IL1RAPL2: variants seen among roughly 807,000 people sequenced by gnomAD.
The protein encoded by IL1RAPL2 is interleukin 1 receptor accessory protein like 2.
IL1RAPL2 carries 3 observed loss-of-function variants against 44.1 expected under a neutral mutation model. The observed-to-expected ratio is 0.07, with a 90% CI of 0.03 to 0.18. The LOEUF is 0.18. Ranked by LOEUF, IL1RAPL2 falls within the 10% of genes least tolerant of loss-of-function variation. The probability of loss-of-function intolerance (pLI) is 1.00; values close to 1 mark genes in which losing one functional copy is unlikely to be tolerated. For synonymous variants in IL1RAPL2, 181 were observed against 178.8 expected (o/e 1.01, Z -0.10); for missense variants, 391 against 496.4 (o/e 0.79, Z 2.02).
chrX:104,881,875 C>T (rs1361172152), intron 2 of IL1RAPL2, among the ~76,000 whole-genome samples: 1 of 111,499 alleles, frequency 9.0e-6, no homozygotes, highest in Non-Finnish European at 1.9e-5. Flanking sequence ...GAGAACTTTT[C>T]CCTAAGTCTT....
Position 105,435,704 on chromosome X carries a change from G to T in IL1RAPL2, c.698-48609G>T, listed in dbSNP as rs768743592. Among the ~76,000 whole-genome samples the T allele has an allele frequency of 4.5e-5, 5 of 111,915 alleles. No homozygotes were observed. In the South Asian group the frequency reaches 1.9e-3, roughly 42 times the overall value. ...TGGTACATATACACCAGGGAATACT[G>T]TGCAGCCACAAAAAGGAATGAGATC... On this transcript the variant is annotated intron_variant, in intron 5 of 10. Coordinates refer to ENST00000372582, the MANE Select transcript of IL1RAPL2 (RefSeq NM_017416.2).
At chrX:104,632,726 C>G (rs1482744110) in intron 1 of IL1RAPL2, among the ~76,000 whole-genome samples, 1 of 108,416 alleles carries the variant, frequency 9.2e-6, no homozygotes, top group Non-Finnish European at 1.9e-5. Context: ...TGCCTATCAG[C>G]TTAAGGAGAT....
In IL1RAPL2 at chrX:105,051,349, G is replaced by A. The variant is rs1483122318; in HGVS notation, c.83-144126G>A. ...AGAGATGCACAGGTCCTGTGCCTCG[G>A]AGGGCAGCCGCAGCTGCACCCAGGG... On this transcript the variant is annotated intron_variant, in intron 2 of 10. Transcript: ENST00000372582. 2.7e-5 allele frequency among the ~76,000 whole-genome samples: 3 copies of A among 112,831 alleles called. No homozygotes were observed. The East Asian group carries it at 8.5e-4, about 32-fold the overall frequency.
intron 2 of IL1RAPL2, among the ~76,000 whole-genome samples, chrX:104,659,468 A>C (rs905450617): frequency 3.6e-5 from 4 of 111,880 alleles, no homozygotes; most frequent in Non-Finnish European, 7.5e-5. Context: ...TTATTAGCTA[A>C]TTGCCCGAAG....
intron 2 of IL1RAPL2, among the ~76,000 whole-genome samples, chrX:104,673,714 T>A (rs2147533129): frequency 9.1e-6 from 1 of 110,126 alleles, no homozygotes; most frequent in African/African-American, 3.3e-5. Context: ...ACGATATTGA[T>A]TCTTCCTACC....
chrX:104,607,723 GA>G (rs762697770), intron 1 of IL1RAPL2, among the ~76,000 whole-genome samples: 1 of 111,269 alleles, frequency 9.0e-6, no homozygotes, highest in Non-Finnish European at 1.9e-5. Context: ...AAAAAGTCAG[GA>G]AAAAAAAGAT....
At chrX:105,317,263 C>G (rs1002201231) in intron 5 of IL1RAPL2, among the ~76,000 whole-genome samples, 3 of 112,013 alleles carry the variant, frequency 2.7e-5, no homozygotes, top group African/African-American at 9.7e-5. Context: ...TTGAATTCCT[C>G]TATAAAGTAT....
chrX:104,934,942 A>G (rs1311630222), intron 2 of IL1RAPL2, among the ~76,000 whole-genome samples: 1 of 112,141 alleles, frequency 8.9e-6, no homozygotes, highest in Non-Finnish European at 1.9e-5. Flanking sequence ...ACCACTTAGT[A>G]GTTGTGTGGA....
intron 2 of IL1RAPL2, among the ~76,000 whole-genome samples, chrX:104,956,135 C>T (rs1332825557): frequency 8.9e-6 from 1 of 112,029 alleles, no homozygotes; most frequent in African/African-American, 3.2e-5. Context: ...TGTGGCCCAG[C>T]TAAAGGGTGT....
intron 2 of IL1RAPL2, among the ~76,000 whole-genome samples, chrX:105,097,178 A>C (rs753405062): frequency 5.5e-5 from 6 of 108,804 alleles, no homozygotes; most frequent in African/African-American, 1.7e-4. Flanking sequence ...AATATAAAAA[A>C]TTAGTCGGGC....
intron 2 of IL1RAPL2, among the ~76,000 whole-genome samples, chrX:104,932,026 C>T (rs1924919037): frequency 1.0e-5 from 1 of 97,351 alleles, no homozygotes; most frequent in South Asian, 5.0e-4. Flanking sequence ...GAGTTTCACT[C>T]TTGTCACCCA....
chrX:105,260,109 G>C (rs752137243), intron 4 of IL1RAPL2, among the ~76,000 whole-genome samples: 2 of 112,611 alleles, frequency 1.8e-5, no homozygotes, highest in South Asian at 7.4e-4. Flanking sequence ...GTCCCACTCA[G>C]TGAGGAGGAA....
At chrX:105,153,689 A>G (rs928539118) in intron 2 of IL1RAPL2, among the ~76,000 whole-genome samples, 1 of 111,710 alleles carries the variant, frequency 9.0e-6, no homozygotes, top group Admixed American at 9.5e-5. Context: ...CCAGAAAGGC[A>G]TGACATCCCA....
chrX:105,518,130 G>A (rs1465321706), intron 6 of IL1RAPL2, among the ~76,000 whole-genome samples: 2 of 110,738 alleles, frequency 1.8e-5, no homozygotes, highest in Non-Finnish European at 3.8e-5. Flanking sequence ...GGGAAAGAGT[G>A]TTGACTTGGA....
chrX:104,898,890 A>G (rs1378125071), intron 2 of IL1RAPL2, among the ~76,000 whole-genome samples: 1 of 112,479 alleles, frequency 8.9e-6, no homozygotes, highest in Non-Finnish European at 1.9e-5. Flanking sequence ...TCTGCTGTCA[A>G]TTCCTTTTTT....
At chrX:105,050,203 T>C (rs2031899599) in intron 2 of IL1RAPL2, among the ~76,000 whole-genome samples, 1 of 112,147 alleles carries the variant, frequency 8.9e-6, no homozygotes, top group Non-Finnish European at 1.9e-5. Context: ...AAAAATCCTG[T>C]TTCTGTCCAT....
intron 2 of IL1RAPL2, among the ~76,000 whole-genome samples, chrX:105,082,218 C>T (rs2032418964): frequency 9.0e-6 from 1 of 111,525 alleles, no homozygotes; most frequent in Non-Finnish European, 1.9e-5. Flanking sequence ...GTGTATGTGT[C>T]CAGGAATTTA....
chrX:104,656,335 C>A (rs1265511277), intron 1 of IL1RAPL2, among the ~76,000 whole-genome samples: 1 of 112,033 alleles, frequency 8.9e-6, no homozygotes, highest in African/African-American at 3.2e-5. Flanking sequence ...TCCCTCTACA[C>A]ACTGCTTTAA....
intron 2 of IL1RAPL2, among the ~76,000 whole-genome samples, chrX:104,824,135 T>G (rs1440760689): frequency 4.5e-5 from 5 of 112,315 alleles, no homozygotes; most frequent in Non-Finnish European, 9.4e-5. Flanking sequence ...TCTGCATCAA[T>G]TGAGATAATC....
Sources: allele counts gnomAD v4.1 joint callset (sites outside exome capture counted in the v4.1 genomes callset), GRCh38; gene constraint gnomAD v4.1.1; transcripts MANE v1.5; gene names NCBI Gene and HGNC (gene_info 2026-07-23, HGNC 2026-07-21).